ASIC4: variants seen among roughly 807,000 people sequenced by gnomAD.
The protein encoded by ASIC4 is acid sensing ion channel subunit family member 4, also known as acid-sensing ion channel 4.
Under a neutral mutation model 53.4 loss-of-function variants are expected in ASIC4, and 28 were observed. That is an observed-to-expected ratio of 0.52 (90% confidence interval 0.39 to 0.72). The LOEUF (loss-of-function observed/expected upper bound fraction) is 0.72. ASIC4 is among the 30% of genes least tolerant of loss of function. ASIC4 has a pLI of 0.00. For synonymous variants in ASIC4, 289 were observed against 301.4 expected (o/e 0.96, Z 0.43); for missense variants, 649 against 729.7 (o/e 0.89, Z 1.27).
chr2:219,520,005 G>C (rs1180917595), intron 1 of ASIC4, among the ~76,000 whole-genome samples: 1 of 152,084 alleles, frequency 6.6e-6, no homozygotes, highest in East Asian at 1.9e-4. Context: ...GGAAAATTGA[G>C]GCTGGGGGAG....
intron 5 of ASIC4, 33 bp from the exon 6 acceptor site, chr2:219,535,138 A>C (rs779253772): frequency 1.9e-6 from 3 of 1,592,382 alleles, no homozygotes; most frequent in South Asian, 2.3e-5. Flanking sequence ...CCCTTCTCCA[A>C]CTCCCACTGT....
chr2:219,514,089 C>A, upstream of ASIC4: 1 of 521,050 alleles, frequency 1.9e-6, no homozygotes, highest in Non-Finnish European at 3.4e-6. Flanking sequence ...GGGTGTGGGC[C>A]AGGAAAGTGG....
chr2:219,538,254 C>G lies in ASIC4; in HGVS notation c.*208C>G. 3 of 577,092 alleles carry G rather than the reference C, an allele frequency of 5.2e-6. No individual in the cohort carries two copies. The highest frequency in any genetic ancestry group is 9.2e-6 in the Non-Finnish European group (3 of 325,164). The allele number at this position is 577,092 out of a possible 1,614,324, so 35.7% of individuals were successfully genotyped here. A position where few individuals can be genotyped will look rare whatever the true frequency, so the allele number is the denominator to read the frequency against. On this transcript the variant is annotated 3_prime_UTR_variant, in exon 10 of 10. Coordinates refer to ENST00000358078, the MANE Select transcript of ASIC4 (RefSeq NM_018674.6). ...ACCCCTTATCCCCAGGCTGGTGCCC[C>G]GGGAGGGCTGGAGACCAGGCCATGG... is the stretch of plus-strand genomic sequence containing the variant.
At chr2:219,530,111 G>A (rs1316555154) in intron 1 of ASIC4, among the ~76,000 whole-genome samples, 1 of 152,240 alleles carries the variant, frequency 6.6e-6, no homozygotes, top group African/African-American at 2.4e-5. Context: ...ATGTTCCCAA[G>A]GAGAGGGGAG....
At chr2:219,525,106 C>T (rs1385705713) in intron 1 of ASIC4, among the ~76,000 whole-genome samples, 1 of 152,196 alleles carries the variant, frequency 6.6e-6, no homozygotes, top group African/African-American at 2.4e-5. Context: ...GAACCCTGTT[C>T]TGTCAGCCTA....
chr2:219,508,814 G>A, the ASIC4 span, among the ~76,000 whole-genome samples: 3 of 149,672 alleles, frequency 2.0e-5, no homozygotes, highest in African/African-American at 7.4e-5. Flanking sequence ...AGTGGGGGAT[G>A]AGCGGGGGAG....
chr2:219,528,247 A>G (rs1169743088), intron 1 of ASIC4, among the ~76,000 whole-genome samples: 1 of 152,200 alleles, frequency 6.6e-6, no homozygotes, highest in Admixed American at 6.5e-5. Flanking sequence ...TTTTTGAGAC[A>G]GAGTCCTGCT....
chr2:219,519,515 G>A (rs891728653), intron 1 of ASIC4, among the ~76,000 whole-genome samples: 1 of 152,192 alleles, frequency 6.6e-6, no homozygotes, highest in Admixed American at 6.5e-5. Flanking sequence ...GTGTGCATAG[G>A]TGCAGGAGTG....
chr2:219,526,815 G>A (rs1450584389), intron 1 of ASIC4, among the ~76,000 whole-genome samples: 2 of 152,162 alleles, frequency 1.3e-5, no homozygotes, highest in African/African-American at 4.8e-5. Context: ...AAGGCCGGGA[G>A]GGGCTTTGGG....
chr2:219,537,015 C>A lies in ASIC4; in HGVS notation c.1230-51C>A, dbSNP rs571251629. 1.9e-6 allele frequency: 3 copies of A among 1,544,646 alleles called. No individual in the cohort carries two copies. Among genetic ancestry groups the A allele is most frequent in the East Asian group, 4.5e-5 (2 of 44,340 alleles). On this transcript the variant is annotated intron_variant, in intron 6 of 9. Coordinates refer to ENST00000358078, the MANE Select transcript of ASIC4 (RefSeq NM_018674.6). This position sits in a 1 kb window ranked among gnomAD's most constrained non-coding sequence, Gnocchi z 4.9. ...GCTGGATCCAGGATGCCCCTGCCAG[C>A]CTTCTCAGGAAGAGAGGCCCACACG...
intron 1 of ASIC4, among the ~76,000 whole-genome samples, chr2:219,519,131 C>T (rs974930020): frequency 2.6e-5 from 4 of 152,162 alleles, no homozygotes; most frequent in African/African-American, 9.7e-5. Flanking sequence ...GTCTCGATCT[C>T]CTGACCTCGT....
intron 1 of ASIC4, among the ~76,000 whole-genome samples, chr2:219,527,371 G>A (rs145138644): frequency 2.0e-5 from 3 of 152,270 alleles, no homozygotes; most frequent in East Asian, 3.9e-4. Context: ...TTGTCACCCC[G>A]ACTCTGCACA....
chr2:219,528,372 C>T (rs537271358), intron 1 of ASIC4, among the ~76,000 whole-genome samples: 8 of 151,778 alleles, frequency 5.3e-5, no homozygotes, highest in South Asian at 2.1e-4. Flanking sequence ...TACAGGAGCC[C>T]GCCACCACAC....
upstream of ASIC4, chr2:219,514,466 C>A: frequency 6.4e-7 from 1 of 1,550,414 alleles, no homozygotes; most frequent in Non-Finnish European, 8.7e-7. Context: ...ATAAGGGAAG[C>A]CACAAGGAGA....
chr2:219,507,631 G>C, the ASIC4 span, among the ~76,000 whole-genome samples: 1 of 152,100 alleles, frequency 6.6e-6, no homozygotes. Context: ...TCCTCTCCCA[G>C]CCATCTCTCA....
Position 219,537,174 on chromosome 2 carries a change from T to C in ASIC4, c.1321+17T>C, listed in dbSNP as rs1559121026. On this transcript the variant is annotated intron_variant, in intron 7 of 9. Transcript: ENST00000358078. The surrounding 1 kb of genome is among the most constrained non-coding windows in gnomAD (Gnocchi z 4.9). Reference sequence around the variant, plus strand: ...CCCTGCTGGGTGAGACTGGTGTCCCTGCCCCCAGCTTGTGTGGGGGTGGAT... The same window carrying C: ...CCCTGCTGGGTGAGACTGGTGTCCCCGCCCCCAGCTTGTGTGGGGGTGGAT... The C allele has an allele frequency of 2.5e-6, 4 of 1,613,136 alleles. No individual in the cohort carries two copies. Among genetic ancestry groups the C allele is most frequent in the Non-Finnish European group, 3.4e-6 (4 of 1,179,184 alleles).
Position 219,530,386 on chromosome 2 carries a change from A to AG in ASIC4, c.583-1372_583-1371insG, listed in dbSNP as rs1460251367. Among the ~76,000 whole-genome samples the AG allele has an allele frequency of 7.3e-3, 1,111 of 152,234 alleles. 14 individuals carry two copies. Among genetic ancestry groups the AG allele is most frequent in the African/African-American group, 0.025 (1,052 of 41,460 alleles). ...TGCAGGAGAACTCTCCGCAGAGGAA[A>AG]AGGGAGCCGGGCTTCTGTGCGGCAG... On this transcript the variant is annotated intron_variant, in intron 1 of 9. Transcript: ENST00000358078.
chr2:219,537,731 G>C lies in ASIC4; in HGVS notation c.1501G>C (p.Glu501Gln). 6.2e-7 allele frequency: 1 copy of C among 1,613,164 alleles called. No individual in the cohort carries two copies. Among genetic ancestry groups the C allele is most frequent in the Non-Finnish European group, 8.5e-7 (1 of 1,179,540 alleles). Residue 501 changes from glutamate to glutamine, a missense_variant, in exon 9 of 10, where the codon GAA becomes CAA. Glu to Gln is a conservative substitution (Grantham distance 29). Transcript: ENST00000358078. This position sits in a 1 kb window ranked among gnomAD's most constrained non-coding sequence, Gnocchi z 4.9. ...CACTTTGGGGCTTCAGGAGCTGAAG[G>C]AACAGGTGAGGACAAGCTCTAAATG... Reference protein sequence around the residue: ...ISTLGLQELKEQSPCPSRGRV... With the variant: ...ISTLGLQELKQQSPCPSRGRV...
Position 219,532,302 on chromosome 2 carries a change from C to T in ASIC4, c.856-13C>T, listed in dbSNP as rs777526690. ...ATTCCTGAGCATGACCTCATCATGC[C>T]CCACCTCTGCAGCTGACCTACCTGC... On this transcript the variant is annotated splice_polypyrimidine_tract_variant and intron_variant, in intron 3 of 9. Coordinates refer to ENST00000358078, the MANE Select transcript of ASIC4 (RefSeq NM_018674.6). 1.8e-5 allele frequency: 29 copies of T among 1,607,004 alleles called. No individual in the cohort carries two copies. The African/African-American group carries it at 2.0e-4, about 11-fold the overall frequency.
Sources: gnomAD v4.1 joint callset for allele counts (sites outside exome capture counted in the v4.1 genomes callset) on GRCh38, gnomAD v4.1.1 for gene constraint, Gnocchi (gnomAD v3.1) non-coding constraint, MANE v1.5 for transcripts, NCBI Gene and HGNC (gene_info 2026-07-23, HGNC 2026-07-21) for gene names.